Variants in P4HA2 observed in about 807,000 individuals in gnomAD.
The protein encoded by P4HA2 is prolyl 4-hydroxylase subunit alpha 2.
P4HA2 carries 46 observed loss-of-function variants against 76.9 expected under a neutral mutation model. The ratio of observed to expected loss-of-function variants is 0.60; its 90% CI spans 0.47 to 0.76. P4HA2 has a LOEUF of 0.76. P4HA2 is among the 30% of genes least tolerant of loss of function. The pLI, the probability that P4HA2 is intolerant of heterozygous loss-of-function variation, is 0.00. For missense variants in P4HA2, 583 were observed against 669.4 expected (o/e 0.87, Z 1.42); for synonymous variants, 243 against 254.0 (o/e 0.96, Z 0.41).
In P4HA2 at chr5:132,207,764, A is replaced by T. The variant is rs752580251; in HGVS notation, c.1024T>A (p.Tyr342Asn). The stretch of plus-strand genomic sequence containing the variant: ...ATTTCCTCATCAGACATGACATCGT[A>T]GTACCTGACGATGTGCGGGCTGTCC... ...EWDSPHIVRY[Y>N]DVMSDEEIER... The change falls in exon 8 of 15, where the codon TAC (tyrosine) becomes AAC (asparagine). Residue 342 changes from tyrosine to asparagine, a missense_variant. By Grantham distance (143) the Tyr-to-Asn change is moderately radical (BLOSUM62 -2). Transcript: ENST00000360568. 6.2e-7 allele frequency: 1 copy of T among 1,613,774 alleles called. No individual in the cohort carries two copies. Among genetic ancestry groups the T allele is most frequent in the Non-Finnish European group, 8.5e-7 (1 of 1,179,840 alleles).
chr5:132,210,258 C>A, intron 6 of P4HA2, 26 bp downstream of exon 6: 1 of 1,613,462 alleles, frequency 6.2e-7, no homozygotes, highest in Admixed American at 1.7e-5. Context: ...CCATTCCCAT[C>A]TTACCTTCCC....
Position 132,194,929 on chromosome 5 carries a change from A to T in P4HA2, c.1528T>A (p.Trp510Arg), listed in dbSNP as rs757441132. The change falls in exon 14 of 15, where the codon TGG becomes AGG. Residue 510 changes from tryptophan (W) to arginine (R), a missense_variant. Trp to Arg is a moderately radical substitution (Grantham distance 101). Transcript: ENST00000360568. ...AACPVLVGCKWVSNKWFHERG... is the reference protein window; with the variant it reads ...AACPVLVGCKRVSNKWFHERG... ...CACTACCCCTTAAGACACTCACCCC[A>T]CTTGCAGCCCACAAGCACAGGGCAG... 1 of 1,607,562 alleles carries T rather than the reference A, an allele frequency of 6.2e-7. No homozygotes were observed. The highest frequency in any genetic ancestry group is 8.5e-7 in the Non-Finnish European group (1 of 1,174,050).
At chr5:132,220,019 C>G (rs1754451370) in intron 1 of P4HA2, among the ~76,000 whole-genome samples, 2 of 152,188 alleles carry the variant, frequency 1.3e-5, no homozygotes, top group African/African-American at 4.8e-5. Context: ...GTGTGGGGGT[C>G]CCAAGACACA....
intron 1 of P4HA2, among the ~76,000 whole-genome samples, chr5:132,221,695 C>G (rs1469301575): frequency 6.6e-6 from 1 of 152,160 alleles, no homozygotes; most frequent in Non-Finnish European, 1.5e-5. Flanking sequence ...GCTTGTTTCT[C>G]TAATCTTTCT....
In P4HA2 at chr5:132,209,148, C is replaced by T. The variant is rs199738778; in HGVS notation, c.893G>A (p.Gly298Asp). The change falls in exon 7 of 15, where the codon GGT becomes GAT. Residue 298 changes from glycine (G) to aspartate (D), a missense_variant. Coordinates refer to ENST00000360568, the MANE Select transcript of P4HA2 (RefSeq NM_001017974.2). Reference protein sequence around the residue: ...DVYESLCRGEGVKLTPRRQKR... With the variant: ...DVYESLCRGEDVKLTPRRQKR... ...CCTCACACATCTCACCAGTTTGACA[C>T]CCTCCCCACGACAGAGGCTCTCGTA... 2 of 1,612,404 alleles carry T rather than the reference C, an allele frequency of 1.2e-6. No individual in the cohort carries two copies. Among genetic ancestry groups the T allele is most frequent in the Non-Finnish European group, 1.7e-6 (2 of 1,179,206 alleles).
rs766684960 is a variant in P4HA2 at position 132,203,811 on chromosome 5, G to A, written c.1188C>T (p.Ala396=). ...WLEEDDDPVV[A]RVNRRMQHIT... ...TATGCTGCATCCGACGATTTACTCG[G>A]GCCACAACAGGGTCATCATCTTCCT... The change falls in exon 10 of 15, where the codon GCC becomes GCT. Residue 396 remains alanine, a synonymous_variant. Transcript: ENST00000360568. 2 of 1,613,830 alleles carry A rather than the reference G, an allele frequency of 1.2e-6. No homozygotes were observed. The highest frequency in any genetic ancestry group is 1.7e-6 in the Non-Finnish European group (2 of 1,179,740).
rs981395662 is a variant in P4HA2, at chr5:132,190,721, T to G, written c.*2289A>C. 1.4e-4 allele frequency among the ~76,000 whole-genome samples: 22 copies of G among 152,008 alleles called. No individual in the cohort carries two copies. The highest frequency in any genetic ancestry group is 5.1e-4 in the African/African-American group (21 of 41,380). On this transcript the variant is annotated 3_prime_UTR_variant, in exon 15 of 15. Coordinates refer to ENST00000360568, the MANE Select transcript of P4HA2 (RefSeq NM_001017974.2). ...ATCAAAAAGAAAAAGCTTGATAGAT[T>G]TGACATAAAAATTAAAAGCTCCTGT...
intron 2 of P4HA2, among the ~76,000 whole-genome samples, chr5:132,218,300 G>A (rs1754205631): frequency 6.6e-6 from 1 of 152,168 alleles, no homozygotes; most frequent in African/African-American, 2.4e-5. Flanking sequence ...AAAGACCAGA[G>A]AGCCCAAGTG....
chr5:132,211,372 A>G (rs1753062825), intron 5 of P4HA2, among the ~76,000 whole-genome samples: 1 of 152,176 alleles, frequency 6.6e-6, no homozygotes, highest in Non-Finnish European at 1.5e-5. Context: ...ATGGAGGGGA[A>G]GTGGGGGCTG....
rs1293846983 is a variant in P4HA2, at chr5:132,190,247, A to C, written c.*2763T>G. On this transcript the variant is annotated 3_prime_UTR_variant, in exon 15 of 15. Coordinates refer to ENST00000360568, the MANE Select transcript of P4HA2 (RefSeq NM_001017974.2). Reference sequence around the variant, plus strand: ...TCAAACAGGAAAAGAAAAAACCTACAAACAAACCACCTAGTGTGCCAGTCA... The same window carrying C: ...TCAAACAGGAAAAGAAAAAACCTACCAACAAACCACCTAGTGTGCCAGTCA... Among the ~76,000 whole-genome samples, 2 of 152,234 alleles carry C rather than the reference A, an allele frequency of 1.3e-5. No homozygotes were observed. The highest frequency in any genetic ancestry group is 4.8e-5 in the African/African-American group (2 of 41,468).
Position 132,190,933 on chromosome 5 carries a change from T to C in P4HA2, c.*2077A>G, listed in dbSNP as rs1391534813. On this transcript the variant is annotated 3_prime_UTR_variant, in exon 15 of 15. Transcript: ENST00000360568. ...GTAATGTTCAAATAGACACTATACA[T>C]GTACTGTCTTAGGTAGAGCTGCTAT... is the stretch of plus-strand genomic sequence containing the variant. Among the ~76,000 whole-genome samples, 1 of 152,232 alleles carries C rather than the reference T, an allele frequency of 6.6e-6. No individual in the cohort carries two copies. The highest frequency in any genetic ancestry group is 1.5e-5 in the Non-Finnish European group (1 of 68,036).
chr5:132,209,341 G>T lies in P4HA2; in HGVS notation c.710-10C>A, dbSNP rs774013934. 1 of 1,607,868 alleles carries T rather than the reference G, an allele frequency of 6.2e-7. No homozygotes were observed. The highest frequency in any genetic ancestry group is 8.5e-7 in the Non-Finnish European group (1 of 1,176,190). ...CGTTCGTGGCTTGGGTCTAGAAAAT[G>T]CAAGGAATGAGAAGGAAAAGGAAAC... On this transcript the variant is annotated splice_polypyrimidine_tract_variant and intron_variant, in intron 6 of 14. Transcript: ENST00000360568.
intron 1 of P4HA2, among the ~76,000 whole-genome samples, chr5:132,222,260 G>A (rs1754750774): frequency 6.6e-6 from 1 of 152,214 alleles, no homozygotes; most frequent in Non-Finnish European, 1.5e-5. Flanking sequence ...GGATAACAGG[G>A]CTGAAAGGAC....
chr5:132,206,973 A>C (rs1052702447), intron 8 of P4HA2, among the ~76,000 whole-genome samples: 3 of 152,222 alleles, frequency 2.0e-5, no homozygotes, highest in Non-Finnish European at 4.4e-5. Context: ...AGAGACAGTG[A>C]CATCATTATG....
At chr5:132,227,080 G>C (rs201576711) in intron 1 of P4HA2, 1 of 152,568 alleles carries the variant, frequency 6.6e-6, no homozygotes, top group African/African-American at 2.4e-5. Flanking sequence ...CCAGCACAGC[G>C]CTCACCACAC....
At chr5:132,226,509 T>C (rs1755416339) in intron 1 of P4HA2, among the ~76,000 whole-genome samples, 1 of 151,986 alleles carries the variant, frequency 6.6e-6, no homozygotes, top group South Asian at 2.1e-4. Flanking sequence ...TCGCTCTGTC[T>C]CCCAGGCTGG....
chr5:132,194,831 T>A, intron 14 of P4HA2, 95 bp downstream of exon 14: 1 of 809,872 alleles, frequency 1.2e-6, no homozygotes, highest in South Asian at 1.4e-5. Flanking sequence ...CTCAGCAAAT[T>A]TGGCAGCAGT....
intron 1 of P4HA2, among the ~76,000 whole-genome samples, chr5:132,221,693 CTCTAATCTT>C (rs1158782150): frequency 6.6e-6 from 1 of 152,110 alleles, no homozygotes; most frequent in East Asian, 1.9e-4. Context: ...ATGCTTGTTT[CTCTAATCTT>C]TCTACAAGAA....
At chr5:132,215,928 G>A (rs1753801084) in intron 4 of P4HA2, among the ~76,000 whole-genome samples, 1 of 149,936 alleles carries the variant, frequency 6.7e-6, no homozygotes, top group African/African-American at 2.5e-5. Flanking sequence ...TTGGGAGGTG[G>A]AGATGGGTGG....
Sources: allele counts gnomAD v4.1 joint callset (sites outside exome capture counted in the v4.1 genomes callset), GRCh38; gene constraint gnomAD v4.1.1; transcripts MANE v1.5; gene names NCBI Gene and HGNC (gene_info 2026-07-23, HGNC 2026-07-21).